Variants in ESRRB observed in about 807,000 individuals in gnomAD.
The protein encoded by ESRRB is estrogen related receptor beta, also known as steroid hormone receptor ERR2.
Under a neutral mutation model 46.0 loss-of-function variants are expected in ESRRB, and 16 were observed. The ratio of observed to expected loss-of-function variants is 0.35; its 90% CI spans 0.24 to 0.53. The LOEUF (loss-of-function observed/expected upper bound fraction) is 0.53, where lower values mean the gene tolerates loss of function less well. ESRRB is among the 20% of genes least tolerant of loss of function. The probability of loss-of-function intolerance (pLI) is 0.93; values close to 1 mark genes in which losing one functional copy is unlikely to be tolerated. For missense variants in ESRRB, 488 were observed against 607.4 expected (o/e 0.80, Z 2.07); for synonymous variants, 246 against 259.6 (o/e 0.95, Z 0.50).
chr14:76,427,365 G>A (rs962627779), intron 1 of ESRRB, among the ~76,000 whole-genome samples: 6 of 152,038 alleles, frequency 3.9e-5, no homozygotes, highest in African/African-American at 1.4e-4. Context: ...GTGTGTATGT[G>A]TGTGTACGTG....
At chr14:76,319,018 C>T (rs1883836464) in intron 1 of ESRRB, among the ~76,000 whole-genome samples, 2 of 152,232 alleles carry the variant, frequency 1.3e-5, no homozygotes, top group Admixed American at 1.3e-4. Flanking sequence ...AGTGAGCATC[C>T]TTCCATTGCC....
chr14:76,324,298 T>A (rs1883902011), intron 1 of ESRRB, among the ~76,000 whole-genome samples: 1 of 152,190 alleles, frequency 6.6e-6, no homozygotes, highest in Non-Finnish European at 1.5e-5. Flanking sequence ...GGCTGAGAGC[T>A]GCCCCGGCAG....
At chr14:76,462,881 G>C (rs568195722) in intron 3 of ESRRB, among the ~76,000 whole-genome samples, 1 of 152,134 alleles carries the variant, frequency 6.6e-6, no homozygotes, top group South Asian at 2.1e-4. Flanking sequence ...GGATCCTTCC[G>C]AACCCCTGAC....
At chr14:76,466,794 G>A (rs1293411385) in intron 3 of ESRRB, among the ~76,000 whole-genome samples, 3 of 151,876 alleles carry the variant, frequency 2.0e-5, no homozygotes, top group African/African-American at 7.3e-5. Flanking sequence ...CGCGATCTAG[G>A]CTCACCACAC....
chr14:76,327,487 A>AATG (rs10543425), intron 1 of ESRRB, among the ~76,000 whole-genome samples: 1,988 of 150,732 alleles, frequency 0.013, 23 homozygotes, highest in African/African-American at 0.033. Flanking sequence ...TGATGATGAT[A>AATG]ATGATGATGA....
chr14:76,411,379 A>G (rs1332164706), intron 1 of ESRRB, among the ~76,000 whole-genome samples: 1 of 151,990 alleles, frequency 6.6e-6, no homozygotes, highest in African/African-American at 2.4e-5. Flanking sequence ...ATCTGGGAGA[A>G]AGAGGATGCA....
At chr14:76,422,210 T>C (rs1213250344) in intron 1 of ESRRB, among the ~76,000 whole-genome samples, 3 of 120,698 alleles carry the variant, frequency 2.5e-5, no homozygotes, top group African/African-American at 6.6e-5. Context: ...TTCCTTCTTT[T>C]TTTTTTTTTT....
At chr14:76,409,275 C>T (rs1886330823) in intron 1 of ESRRB, among the ~76,000 whole-genome samples, 1 of 152,098 alleles carries the variant, frequency 6.6e-6, no homozygotes, top group African/African-American at 2.4e-5. Flanking sequence ...TTTTGGATCT[C>T]TTTTTGGGCC....
intron 1 of ESRRB, among the ~76,000 whole-genome samples, chr14:76,393,445 G>A (rs551148110): frequency 1.3e-5 from 2 of 152,180 alleles, no homozygotes; most frequent in African/African-American, 4.8e-5. Flanking sequence ...ATATGGTCAG[G>A]CAATGGATCT....
chr14:76,453,906 T>G (rs917662866), intron 2 of ESRRB, among the ~76,000 whole-genome samples: 52 of 152,258 alleles, frequency 3.4e-4, no homozygotes, highest in African/African-American at 1.3e-3. Context: ...GCCTAATCGG[T>G]GGATTCTTTT....
At chr14:76,346,051 G>A (rs755537466) in intron 1 of ESRRB, among the ~76,000 whole-genome samples, 122 of 152,208 alleles carry the variant, frequency 8.0e-4, no homozygotes, top group South Asian at 1.7e-3. Flanking sequence ...GGTGGTTGCC[G>A]GAAACGCTTG....
chr14:76,476,538 T>C (rs374145550), intron 3 of ESRRB, among the ~76,000 whole-genome samples: 13 of 152,270 alleles, frequency 8.5e-5, no homozygotes, highest in Non-Finnish European at 1.5e-4. Flanking sequence ...AGTTAGTGTT[T>C]GTAAGTCTTA....
chr14:76,324,956 T>TCTTTTC, intron 1 of ESRRB, among the ~76,000 whole-genome samples: 1 of 123,798 alleles, frequency 8.1e-6, no homozygotes, highest in Admixed American at 9.7e-5. Context: ...CTTTTCTTTT[T>TCTTTTC]CTTTTTCTTT....
chr14:76,349,108 CA>C (rs1404875648), intron 1 of ESRRB, among the ~76,000 whole-genome samples: 1 of 152,160 alleles, frequency 6.6e-6, no homozygotes, highest in African/African-American at 2.4e-5. Context: ...CCTCTGTGAC[CA>C]GGGGGGTCAC....
intron 1 of ESRRB, among the ~76,000 whole-genome samples, chr14:76,393,477 T>A (rs1007794216): frequency 6.6e-6 from 1 of 152,226 alleles, no homozygotes; most frequent in East Asian, 1.9e-4. Flanking sequence ...TATAAGTGTA[T>A]TTTATGTTAA....
At chr14:76,383,193 C>A (rs1885082004) in intron 1 of ESRRB, among the ~76,000 whole-genome samples, 1 of 152,194 alleles carries the variant, frequency 6.6e-6, no homozygotes, top group African/African-American at 2.4e-5. Context: ...TCAATCTTTT[C>A]TATCAAGGAA....
At chr14:76,369,316 C>T (rs1281098457), upstream of ESRRB, among the ~76,000 whole-genome samples, 1 of 149,996 alleles carries the variant, frequency 6.7e-6, no homozygotes, top group Non-Finnish European at 1.5e-5. Context: ...GCTCTGTCAC[C>T]TAGGCTGGAG....
chr14:76,423,220 T>G (rs1314674614), intron 1 of ESRRB, among the ~76,000 whole-genome samples: 1 of 147,720 alleles, frequency 6.8e-6, no homozygotes, highest in Non-Finnish European at 1.5e-5. Context: ...CTCGGCTCAC[T>G]GCATCCTCTG....
intron 1 of ESRRB, among the ~76,000 whole-genome samples, chr14:76,377,854 T>A (rs1473714636): frequency 6.6e-6 from 1 of 152,132 alleles, no homozygotes; most frequent in Non-Finnish European, 1.5e-5. Context: ...CTGCTTCTAG[T>A]TTGGGGATTT....
Sources: allele counts gnomAD v4.1 joint callset (sites outside exome capture counted in the v4.1 genomes callset), GRCh38; gene constraint gnomAD v4.1.1; transcripts MANE v1.5; gene names NCBI Gene and HGNC (gene_info 2026-07-23, HGNC 2026-07-21).